Variants in GALNT9 observed in about 807,000 individuals in gnomAD.
The protein encoded by GALNT9 is GalNAc transferase 9.
A neutral mutation model predicts 63.1 loss-of-function variants in GALNT9; 47 were observed. That is an observed-to-expected ratio of 0.75 (90% CI 0.59 to 0.95). The LOEUF (loss-of-function observed/expected upper bound fraction) is 0.95, where lower values mean the gene tolerates loss of function less well. GALNT9 is among the 40% of genes least tolerant of loss of function. The probability of loss-of-function intolerance (pLI) is 0.00; values close to 1 mark genes in which losing one functional copy is unlikely to be tolerated. For synonymous variants in GALNT9, 396 were observed against 365.7 expected (o/e 1.08, Z -0.94); for missense variants, 829 against 874.8 (o/e 0.95, Z 0.66).
rs141668658 is a variant in GALNT9, at chr12:132,269,848, A to T, written c.420-7223T>A. ...CAGGCCTGGCCTTTGCCTGCAGCAC[A>T]CACAGGCGAGGGAGATGGGCGCACG... On this transcript the variant is annotated intron_variant, in intron 2 of 10. Transcript: ENST00000328957. Among the ~76,000 whole-genome samples the T allele has an allele frequency of 8.5e-5, 13 of 152,342 alleles. No homozygotes were observed. The East Asian group carries it at 2.5e-3, about 29-fold the overall frequency.
intron 1 of GALNT9, among the ~76,000 whole-genome samples, chr12:132,325,325 A>G (rs34428493): frequency 0.21 from 31,742 of 152,196 alleles, 3,425 homozygotes; most frequent in East Asian, 0.26. Flanking sequence ...TGCTATGTTC[A>G]CAGTACCGCC....
intron 9 of GALNT9, 131 bp from the exon 10 acceptor site, chr12:132,198,090 G>T (rs1326209523): frequency 1.8e-5 from 13 of 734,054 alleles, no homozygotes; most frequent in Non-Finnish European, 2.6e-5. Context: ...CTCCCACCCC[G>T]GGGACGCTGT....
intron 6 of GALNT9, among the ~76,000 whole-genome samples, chr12:132,210,776 C>T (rs562733512): frequency 2.6e-5 from 4 of 151,968 alleles, no homozygotes; most frequent in South Asian, 2.1e-4. Context: ...AGGGCTTGGT[C>T]GCCATCTGGA....
At chr12:132,240,609 C>A (rs1474575984) in intron 6 of GALNT9, 2 of 455,382 alleles carry the variant, frequency 4.4e-6, no homozygotes, top group East Asian at 7.0e-5. Context: ...CGTGCGTGGC[C>A]CCGGGGCTCG....
chr12:132,253,432 G>C (rs1305083376), intron 5 of GALNT9, among the ~76,000 whole-genome samples: 1 of 151,482 alleles, frequency 6.6e-6, no homozygotes, highest in Non-Finnish European at 1.5e-5. Context: ...GCCCTTATGC[G>C]GGCATGACAG....
intron 2 of GALNT9, among the ~76,000 whole-genome samples, chr12:132,266,888 A>G (rs1879619844): frequency 6.6e-6 from 1 of 152,016 alleles, no homozygotes; most frequent in African/African-American, 2.4e-5. Context: ...AGCCTCTGTC[A>G]TTATTTCCTG....
At chr12:132,206,506 G>A (rs996897962) in intron 6 of GALNT9, among the ~76,000 whole-genome samples, 5 of 152,170 alleles carry the variant, frequency 3.3e-5, no homozygotes, top group African/African-American at 9.7e-5. Context: ...AATTAGCTGG[G>A]CATGGTGGCA....
intron 1 of GALNT9, among the ~76,000 whole-genome samples, chr12:132,317,093 C>T (rs1454543236): frequency 6.6e-6 from 1 of 151,514 alleles, no homozygotes; most frequent in East Asian, 1.9e-4. Flanking sequence ...CCATCCTACA[C>T]CCCACAGAGC....
chr12:132,220,355 G>C (rs1221651101), intron 6 of GALNT9, among the ~76,000 whole-genome samples: 1 of 152,218 alleles, frequency 6.6e-6, no homozygotes, highest in Non-Finnish European at 1.5e-5. Flanking sequence ...GACAGAAAAA[G>C]AGAGTAATTA....
intron 1 of GALNT9, among the ~76,000 whole-genome samples, chr12:132,297,137 GACTCACTCCCAAGATACCCAA>G (rs578250083): frequency 4.5e-4 from 55 of 122,704 alleles, no homozygotes; most frequent in Non-Finnish European, 8.4e-4. Context: ...CACCACAACC[GACTCACTCCCAAGATACCCAA>G]ACTCACTCCC....
chr12:132,247,679 C>T (rs113635052), intron 6 of GALNT9: 27 of 440,068 alleles, frequency 6.1e-5, no homozygotes, highest in Middle Eastern at 5.3e-4. Flanking sequence ...CCCCGGATGC[C>T]GTGGCCGCAC....
chr12:132,286,668 T>C lies in GALNT9; in HGVS notation c.239-238A>G, dbSNP rs1880606942. On this transcript the variant is annotated intron_variant, in intron 1 of 10. Transcript: ENST00000328957. The surrounding 1 kb of genome is among the most constrained non-coding windows in gnomAD (Gnocchi z 7.4). ...GGATGAATGGGTGGTACATGAGGCG[T>C]TGAAGGCAGTGGACTCTGTGTGATG... 6.6e-6 allele frequency among the ~76,000 whole-genome samples: 1 copy of C among 152,118 alleles called. No individual in the cohort carries two copies. Among genetic ancestry groups the C allele is most frequent in the Non-Finnish European group, 1.5e-5 (1 of 68,008 alleles).
At chr12:132,222,610 G>A (rs1221209255) in intron 6 of GALNT9, among the ~76,000 whole-genome samples, 1 of 151,984 alleles carries the variant, frequency 6.6e-6, no homozygotes, top group Non-Finnish European at 1.5e-5. Context: ...AGATGCAGCC[G>A]ACGATGCGTG....
chr12:132,216,113 G>A (rs570329215), intron 6 of GALNT9, among the ~76,000 whole-genome samples: 5 of 152,184 alleles, frequency 3.3e-5, no homozygotes, highest in Admixed American at 2.0e-4. Flanking sequence ...AAGATACAGA[G>A]ACACAGAAAC....
rs1881567396 is a variant in GALNT9, at chr12:132,305,514, C to T, written c.239-19084G>A. Among the ~76,000 whole-genome samples, 4 of 134,586 alleles carry T rather than the reference C, an allele frequency of 3.0e-5. 1 individual carries two copies. Among genetic ancestry groups the T allele is most frequent in the African/African-American group, 1.2e-4 (4 of 33,592 alleles). The allele number at this position is 134,586 out of a possible 152,430, so 88.3% of individuals were successfully genotyped here. ...TCACCGGGGCACACCCTCACCCGGG[C>T]ACAGCCTCACCCGGGCACACCCTCA... is the stretch of plus-strand genomic sequence containing the variant. On this transcript the variant is annotated intron_variant, in intron 1 of 10. Transcript: ENST00000328957.
rs782794875 is a variant in GALNT9, at chr12:132,286,231, G to C, written c.419+19C>G. On this transcript the variant is annotated intron_variant, in intron 2 of 10. Coordinates refer to ENST00000328957, the MANE Select transcript of GALNT9 (RefSeq NM_001122636.2). This position sits in a 1 kb window ranked among gnomAD's most constrained non-coding sequence, Gnocchi z 7.4. The stretch of plus-strand genomic sequence containing the variant: ...TTCCTCGGCGGGCGTCGGGGGATGG[G>C]GGGCAGTCACTCACTCACTTTCTGG... 6.5e-7 allele frequency: 1 copy of C among 1,541,968 alleles called. No homozygotes were observed. The highest frequency in any genetic ancestry group is 1.4e-5 in the African/African-American group (1 of 72,796).
intron 2 of GALNT9, among the ~76,000 whole-genome samples, chr12:132,264,404 C>T (rs1482213585): frequency 6.6e-6 from 1 of 152,230 alleles, no homozygotes; most frequent in Non-Finnish European, 1.5e-5. Flanking sequence ...GGGCTGGTGG[C>T]TCATCCGTAG....
intron 6 of GALNT9, among the ~76,000 whole-genome samples, chr12:132,223,238 C>A (rs1351154804): frequency 9.2e-6 from 1 of 109,238 alleles, no homozygotes; most frequent in Non-Finnish European, 1.9e-5. Context: ...CCCCACACAA[C>A]CCACACCCCA....
At chr12:132,197,755 GC>G in intron 10 of GALNT9, 36 bp downstream of exon 10, 1 of 613,270 alleles carries the variant, frequency 1.6e-6, no homozygotes, top group Non-Finnish European at 2.7e-6. Context: ...GCCCTGCCCC[GC>G]CCCAACCCCA....
Sources: gnomAD v4.1 joint callset for allele counts (sites outside exome capture counted in the v4.1 genomes callset) on GRCh38, gnomAD v4.1.1 for gene constraint, Gnocchi (gnomAD v3.1) non-coding constraint, MANE v1.5 for transcripts, NCBI Gene and HGNC (gene_info 2026-07-23, HGNC 2026-07-21) for gene names.